Variants in CDH26 observed in about 807,000 individuals in gnomAD.
CDH26 encodes the protein cadherin-like protein 26.
CDH26 carries 83 observed loss-of-function variants against 90.3 expected under a neutral mutation model. The observed-to-expected ratio is 0.92, with a 90% CI of 0.77 to 1.10. CDH26 has a LOEUF of 1.10. CDH26 is among the 50% of genes least tolerant of loss of function. The pLI, the probability that CDH26 is intolerant of heterozygous loss-of-function variation, is 0.00. For missense variants in CDH26, 1,013 were observed against 1,037.6 expected, an observed-to-expected ratio of 0.98 and a Z score of 0.33; for synonymous variants, 397 against 396.3, an observed-to-expected ratio of 1.00 and a Z score of -0.02.
intron 1 of CDH26, among the ~76,000 whole-genome samples, chr20:59,963,461 T>C (rs1415155134): frequency 6.6e-6 from 1 of 152,060 alleles, no homozygotes; most frequent in Non-Finnish European, 1.5e-5. Context: ...ATATTGCCCA[T>C]AGAACAGGAT....
At chr20:60,012,116 G>A (rs754166894) in intron 17 of CDH26, among the ~76,000 whole-genome samples, 2 of 152,010 alleles carry the variant, frequency 1.3e-5, no homozygotes, top group Non-Finnish European at 2.9e-5. Context: ...GGAGAAAGGA[G>A]CCCACAGCAA....
chr20:59,974,829 C>G (rs887064961), intron 4 of CDH26, among the ~76,000 whole-genome samples: 3 of 152,246 alleles, frequency 2.0e-5, no homozygotes, highest in Admixed American at 6.5e-5. Flanking sequence ...TTATTTTCTC[C>G]TCAACACCAC....
chr20:59,990,183 A>G (rs1199777896), intron 9 of CDH26, among the ~76,000 whole-genome samples: 2 of 152,240 alleles, frequency 1.3e-5, no homozygotes, highest in Non-Finnish European at 2.9e-5. Flanking sequence ...TTTAGCATGT[A>G]TCAGAATGTC....
chr20:59,992,312 CA>C lies in CDH26; in HGVS notation c.1284-64del. 4 of 1,506,378 alleles carry C rather than the reference CA, an allele frequency of 2.7e-6. No individual in the cohort carries two copies. The highest frequency in any genetic ancestry group is 3.6e-6 in the Non-Finnish European group (4 of 1,118,018). The allele number at this position is 1,506,378 out of a possible 1,614,324, so 93.3% of individuals were successfully genotyped here. A position where few individuals can be genotyped will look rare whatever the true frequency, so the allele number is the denominator to read the frequency against. On this transcript the variant is annotated intron_variant, in intron 9 of 17. Coordinates refer to ENST00000348616, the MANE Select transcript of CDH26 (RefSeq NM_177980.4). This position sits in a 1 kb window ranked among gnomAD's most constrained non-coding sequence, Gnocchi z 5.0. Reference sequence around the variant, plus strand: ...CTATGACATATTTTGTTTTTTTATGCAACTTTTTTATCTTTTAATGTAAGTT... The same window carrying C: ...CTATGACATATTTTGTTTTTTTATGCACTTTTTTATCTTTTAATGTAAGTT...
At chr20:60,000,943 T>C (rs1006433694) in intron 14 of CDH26, among the ~76,000 whole-genome samples, 2 of 152,216 alleles carry the variant, frequency 1.3e-5, no homozygotes, top group Non-Finnish European at 2.9e-5. Context: ...ACTTCATTAT[T>C]GAAGCGTCAC....
At chr20:60,008,188 A>T (rs550537183) in intron 17 of CDH26, among the ~76,000 whole-genome samples, 1 of 152,224 alleles carries the variant, frequency 6.6e-6, no homozygotes, top group African/African-American at 2.4e-5. Flanking sequence ...ATAAATGTAG[A>T]CAGTCTCTGT....
At chr20:60,023,654 C>T (rs2061975383) in intron 7 of CDH26, among the ~76,000 whole-genome samples, 1 of 152,108 alleles carries the variant, frequency 6.6e-6, no homozygotes. Context: ...TGGCCAGTAC[C>T]TGAGCAAGAA....
In CDH26 at chr20:59,995,803, A is replaced by C. The variant is rs148060527; in HGVS notation, c.1667-30A>C. On this transcript the variant is annotated intron_variant, in intron 11 of 17. Coordinates refer to ENST00000348616, the MANE Select transcript of CDH26 (RefSeq NM_177980.4). ...AGCAGATGAGCAGATGAGTGAGTCA[A>C]TGCATGCCATGTTCTTTTTCCCTTT... 18 of 1,591,900 alleles carry C rather than the reference A, an allele frequency of 1.1e-5. 1 individual carries two copies. Among genetic ancestry groups the C allele is most frequent in the Non-Finnish European group, 1.6e-5 (18 of 1,159,908 alleles).
At chr20:60,007,985 G>C (rs2061776584) in intron 17 of CDH26, among the ~76,000 whole-genome samples, 1 of 152,160 alleles carries the variant, frequency 6.6e-6, no homozygotes, top group South Asian at 2.1e-4. Context: ...TGGGAGCTGG[G>C]CAAACCCATG....
chr20:60,021,165 C>A (rs751734402), intron 7 of CDH26, among the ~76,000 whole-genome samples: 1 of 152,196 alleles, frequency 6.6e-6, no homozygotes, highest in Non-Finnish European at 1.5e-5. Flanking sequence ...TCTAGTCAGC[C>A]ATCTTGCTGA....
intron 7 of CDH26, among the ~76,000 whole-genome samples, chr20:60,027,233 A>G (rs1469567877): frequency 6.6e-6 from 1 of 152,104 alleles, no homozygotes; most frequent in Admixed American, 6.5e-5. Context: ...GGCTCAGGTG[A>G]AAAAGAAGGA....
intron 8 of CDH26, among the ~76,000 whole-genome samples, chr20:59,988,491 C>T (rs2061485505): frequency 6.6e-6 from 1 of 152,190 alleles, no homozygotes; most frequent in Admixed American, 6.5e-5. Flanking sequence ...GTTGAATTTT[C>T]AAAATATTCC....
chr20:60,002,871 G>C lies in CDH26; in HGVS notation c.2220+5G>C. The stretch of plus-strand genomic sequence containing the variant: ...AAAAACATACACTCTACTCCTGTAA[G>C]TATAGATGTAGGTGTTACCGTGAAC... On this transcript the variant is annotated splice_donor_5th_base_variant and intron_variant, in intron 16 of 17. Coordinates refer to ENST00000348616, the MANE Select transcript of CDH26 (RefSeq NM_177980.4). 1 of 1,577,034 alleles carries C rather than the reference G, an allele frequency of 6.3e-7. No homozygotes were observed. The highest frequency in any genetic ancestry group is 8.6e-7 in the Non-Finnish European group (1 of 1,156,242).
At chr20:60,033,880 AC>A in exon 9 of CDH26, 2 of 644,678 alleles carry the variant, frequency 3.1e-6, no homozygotes, top group Non-Finnish European at 4.1e-6. Flanking sequence ...ATGGCAGTTC[AC>A]CATGTTTCTC....
chr20:60,021,007 G>T (rs947798535), intron 7 of CDH26, among the ~76,000 whole-genome samples: 5 of 152,166 alleles, frequency 3.3e-5, no homozygotes, highest in Non-Finnish European at 7.3e-5. Context: ...CCTCTACACT[G>T]CCCTCCTGGG....
At chr20:60,023,456 T>G (rs1007698265) in intron 7 of CDH26, among the ~76,000 whole-genome samples, 1 of 152,196 alleles carries the variant, frequency 6.6e-6, no homozygotes, top group Admixed American at 6.5e-5. Context: ...TGACCCTTGT[T>G]ATACAGAAAC....
Position 59,972,119 on chromosome 20 carries a change from T to C in CDH26, c.389T>C (p.Phe130Ser), listed in dbSNP as rs765265219. The C allele has an allele frequency of 1.9e-6, 3 of 1,613,580 alleles. No individual in the cohort carries two copies. The South Asian group carries it at 3.3e-5, about 18-fold the overall frequency. ...GTCGATCGAGAAATGACACCATCTT[T>C]CACGGTATCTAAAACTTGATATATT... ...RPVDREMTPS[F>S]TVYFDVVERS... The change falls in exon 4 of 18, where the codon TTC becomes TCC. Residue 130 changes from phenylalanine to serine, a missense_variant. By Grantham distance (155) the Phe-to-Ser change is radical (BLOSUM62 -2). Transcript: ENST00000348616.
intron 17 of CDH26, among the ~76,000 whole-genome samples, chr20:60,011,000 C>T (rs1569061559): frequency 6.6e-6 from 1 of 152,158 alleles, no homozygotes; most frequent in East Asian, 1.9e-4. Context: ...AGTCACGTAG[C>T]CACATCTAGC....
chr20:59,968,031 CTCTCTCTCTCTCTCTCTCTCTG>C (rs1485128362), intron 1 of CDH26, among the ~76,000 whole-genome samples: 22 of 122,038 alleles, frequency 1.8e-4, no homozygotes, highest in African/African-American at 1.0e-3. Context: ...CTCTGTCTCT[CTCTCTCTCTCTCTCTCTCTCTG>C]TCTCTCTCTC....
Sources: allele counts gnomAD v4.1 joint callset (sites outside exome capture counted in the v4.1 genomes callset), GRCh38; gene constraint gnomAD v4.1.1; non-coding constraint Gnocchi (gnomAD v3.1); transcripts MANE v1.5; gene names NCBI Gene and HGNC (gene_info 2026-07-23, HGNC 2026-07-21).